CEP128: variants seen among roughly 807,000 people sequenced by gnomAD.
CEP128 encodes the protein centrosomal protein 128kDa.
Under a neutral mutation model 156.7 loss-of-function variants are expected in CEP128, and 132 were observed. The observed-to-expected ratio is 0.84, with a 90% confidence interval of 0.73 to 0.97. The LOEUF is 0.97. CEP128 is among the 50% of genes least tolerant of loss of function. The pLI is 0.00. For missense variants in CEP128, 1,252 were observed against 1,281.9 expected (o/e 0.98, Z 0.36); for synonymous variants, 469 against 448.9 (o/e 1.04, Z -0.57).
At chr14:80,514,016 T>C (rs998580028) in intron 23 of CEP128, among the ~76,000 whole-genome samples, 4 of 152,230 alleles carry the variant, frequency 2.6e-5, no homozygotes, top group African/African-American at 9.6e-5. Context: ...GGGCAGCCAC[T>C]ATAAGACTTC....
intron 21 of CEP128, among the ~76,000 whole-genome samples, chr14:80,547,786 A>T (rs2019257): frequency 0.59 from 89,256 of 151,122 alleles, 27,535 homozygotes; most frequent in African/African-American, 0.77. Context: ...AAAAGCCTAC[A>T]AGGGAGAGGA....
At chr14:80,603,552 G>A (rs1892662540) in intron 19 of CEP128, among the ~76,000 whole-genome samples, 1 of 152,020 alleles carries the variant, frequency 6.6e-6, no homozygotes, top group Non-Finnish European at 1.5e-5. Flanking sequence ...TTTATAAATG[G>A]AATACAGAGC....
chr14:80,554,382 T>A (rs1280221599), intron 21 of CEP128, among the ~76,000 whole-genome samples: 2 of 152,158 alleles, frequency 1.3e-5, no homozygotes, highest in African/African-American at 4.8e-5. Context: ...TGACTCAGGA[T>A]ATAAAATGGG....
chr14:80,930,008 C>A (rs1566722157), intron 2 of CEP128, among the ~76,000 whole-genome samples: 1 of 152,154 alleles, frequency 6.6e-6, no homozygotes, highest in East Asian at 1.9e-4. Context: ...CACCTGAGCT[C>A]CACTTTCTGT....
At chr14:80,885,623 G>A (rs1264712271) in intron 8 of CEP128, among the ~76,000 whole-genome samples, 1 of 152,038 alleles carries the variant, frequency 6.6e-6, no homozygotes, top group Non-Finnish European at 1.5e-5. Flanking sequence ...CCATCCAAAG[G>A]CCATCAGCAT....
intron 15 of CEP128, among the ~76,000 whole-genome samples, chr14:80,783,807 T>C (rs1457076454): frequency 6.6e-6 from 1 of 152,166 alleles, no homozygotes; most frequent in Non-Finnish European, 1.5e-5. Flanking sequence ...ATGCATCTAG[T>C]AATAACAGCA....
In CEP128 at chr14:80,729,132, C is replaced by T. The variant is rs186173811; in HGVS notation, c.2806+13943G>A. ...GTGTGTGTGTGTGTGTGTGTGTTTA[C>T]CCAGTGTTTAGTCTTTTATCCCTCA... On this transcript the variant is annotated intron_variant, in intron 19 of 24. Transcript: ENST00000555265. Among the ~76,000 whole-genome samples, 14 of 100,496 alleles carry T rather than the reference C, an allele frequency of 1.4e-4. No homozygotes were observed. In the East Asian group the frequency reaches 6.5e-3, roughly 47 times the overall value. 65.9% of individuals were successfully genotyped at this position (100,496 alleles called of 152,430 possible).
chr14:80,490,924 T>C (rs751694362), intron 6 of CEP128, among the ~76,000 whole-genome samples: 1 of 152,174 alleles, frequency 6.6e-6, no homozygotes, highest in Admixed American at 6.5e-5. Flanking sequence ...ACACAGATCG[T>C]TGGCGCCATC....
At chr14:80,548,141 T>C (rs1324130287) in intron 21 of CEP128, among the ~76,000 whole-genome samples, 1 of 150,768 alleles carries the variant, frequency 6.6e-6, no homozygotes, top group Non-Finnish European at 1.5e-5. Context: ...AGCCCAATCA[T>C]GAAAAAAAAA....
At chr14:80,548,346 G>A (rs1054450785) in intron 21 of CEP128, among the ~76,000 whole-genome samples, 7 of 152,000 alleles carry the variant, frequency 4.6e-5, no homozygotes, top group African/African-American at 1.5e-4. Flanking sequence ...GTTAAAACTA[G>A]ATGCACAAAA....
intron 19 of CEP128, among the ~76,000 whole-genome samples, chr14:80,595,268 C>T (rs1333449615): frequency 6.6e-6 from 1 of 151,970 alleles, no homozygotes. Context: ...TGGAGTTGAA[C>T]AATGAGAACA....
At chr14:80,918,324 T>C (rs1008717512) in intron 2 of CEP128, among the ~76,000 whole-genome samples, 2 of 152,204 alleles carry the variant, frequency 1.3e-5, no homozygotes, top group Admixed American at 6.5e-5. Flanking sequence ...TAACATAACA[T>C]CTTTTACTCT....
At chr14:80,867,101 G>A (rs1887803570) in intron 8 of CEP128, among the ~76,000 whole-genome samples, 1 of 151,960 alleles carries the variant, frequency 6.6e-6, no homozygotes, top group Non-Finnish European at 1.5e-5. Context: ...CTTCTCTTTG[G>A]CATTGCCAAA....
downstream of CEP128, among the ~76,000 whole-genome samples, chr14:80,491,945 G>T (rs1168316700): frequency 6.6e-6 from 1 of 152,124 alleles, no homozygotes; most frequent in Admixed American, 6.6e-5. Context: ...CAGAACTCCT[G>T]CCATCCTTCA....
At chr14:80,957,707 T>C (rs1220456719) in intron 2 of CEP128, 1 of 152,228 alleles carries the variant, frequency 6.6e-6, no homozygotes, top group Non-Finnish European at 1.5e-5. Flanking sequence ...GAATGAGCAA[T>C]GGAACAGGAG....
intron 19 of CEP128, among the ~76,000 whole-genome samples, chr14:80,720,362 T>C (rs2139456811): frequency 6.6e-6 from 1 of 152,226 alleles, no homozygotes; most frequent in Admixed American, 6.5e-5. Context: ...TGTCACAAAA[T>C]GAATACTGCA....
intron 9 of CEP128, among the ~76,000 whole-genome samples, chr14:80,853,696 T>C (rs1378351830): frequency 3.9e-5 from 6 of 151,972 alleles, no homozygotes; most frequent in African/African-American, 1.4e-4. Context: ...AATGCCAGCA[T>C]GATTTTTCAT....
intron 16 of CEP128, among the ~76,000 whole-genome samples, chr14:80,762,015 T>G (rs933157218): frequency 6.6e-6 from 1 of 152,120 alleles, no homozygotes; most frequent in African/African-American, 2.4e-5. Flanking sequence ...CTGCTAAATA[T>G]GATGCTAGTT....
chr14:80,712,000 T>TA (rs1442755125), intron 19 of CEP128, among the ~76,000 whole-genome samples: 2 of 152,188 alleles, frequency 1.3e-5, no homozygotes, highest in African/African-American at 4.8e-5. Context: ...AATTTGTTCC[T>TA]TGTAATCTAA....
Sources: allele counts gnomAD v4.1 joint callset (sites outside exome capture counted in the v4.1 genomes callset), GRCh38; gene constraint gnomAD v4.1.1; transcripts MANE v1.5; gene names NCBI Gene and HGNC (gene_info 2026-07-23, HGNC 2026-07-21).